RBM39: variants seen among roughly 807,000 people sequenced by gnomAD.
RBM39 encodes RNA binding motif protein 39.
Under a neutral mutation model 79.6 loss-of-function variants are expected in RBM39, and 12 were observed. That is an observed-to-expected ratio of 0.15 (90% CI 0.10 to 0.24). RBM39 has a LOEUF of 0.24. Among genes scored for constraint, RBM39 ranks in the 10% least tolerant of loss-of-function variants. The pLI is 1.00. For synonymous variants in RBM39, 185 were observed against 208.4 expected (o/e 0.89, Z 0.97); for missense variants, 243 against 653.4 (o/e 0.37, Z 6.85).
Position 35,716,689 on chromosome 20 carries a change from T to C in RBM39, c.891+51A>G, listed in dbSNP as rs371493032. The C allele has an allele frequency of 2.7e-4, 305 of 1,110,292 alleles. No individual in the cohort carries two copies. The African/African-American group carries it at 4.1e-3, about 15-fold the overall frequency. The allele number at this position is 1,110,292 out of a possible 1,614,324, so 68.8% of individuals were successfully genotyped here. On this transcript the variant is annotated intron_variant, in intron 10 of 16. Coordinates refer to ENST00000253363, the MANE Select transcript of RBM39 (RefSeq NM_184234.3). ...ACTAATCTGAGCAACACAGCAAATGTAGTTTAAAAAAAAAAAAACCCTAAG... is the reference window on the plus strand; with the variant it reads ...ACTAATCTGAGCAACACAGCAAATGCAGTTTAAAAAAAAAAAAACCCTAAG...
rs142053132 is a variant in RBM39, at chr20:35,739,241, A to T, written c.52-224T>A. 1.1e-3 allele frequency: 598 copies of T among 566,358 alleles called. 1 individual carries two copies. Among genetic ancestry groups the T allele is most frequent in the African/African-American group, 0.01 (538 of 52,628 alleles). The allele number at this position is 566,358 out of a possible 1,614,324, so 35.1% of individuals were successfully genotyped here. ...AGATACAAAAATAAAAAAATTTTCC[A>T]TATTAACATGTTAAATTTTACTTTC... On this transcript the variant is annotated intron_variant, in intron 2 of 16. Transcript: ENST00000253363.
intron 12 of RBM39, among the ~76,000 whole-genome samples, chr20:35,710,912 C>A (rs2036315073): frequency 6.6e-6 from 1 of 152,116 alleles, no homozygotes; most frequent in African/African-American, 2.4e-5. Context: ...GGTAGGGACA[C>A]TATTGTCAGG....
chr20:35,727,686 G>A (rs981386232), intron 6 of RBM39, among the ~76,000 whole-genome samples: 1 of 141,938 alleles, frequency 7.0e-6, no homozygotes, highest in African/African-American at 2.7e-5. Context: ...TTTCGCTCTT[G>A]TTGCCCAGGC....
intron 6 of RBM39, among the ~76,000 whole-genome samples, chr20:35,727,313 G>A (rs1183684314): frequency 1.3e-5 from 2 of 150,798 alleles, no homozygotes; most frequent in East Asian, 3.9e-4. Context: ...TTGCGTCACT[G>A]CACTATAGCC....
chr20:35,732,170 C>T (rs2039439089), intron 3 of RBM39, 35 bp from the exon 4 acceptor site: 1 of 1,593,502 alleles, frequency 6.3e-7, no homozygotes. Flanking sequence ...ATCATGCTGG[C>T]TTAAGAACCC....
Position 35,702,517 on chromosome 20 carries a change from C to CG in RBM39, c.*1963_*1964insC, listed in dbSNP as rs1342846354. The CG allele has an allele frequency of 1.3e-5, 2 of 152,178 alleles. No individual in the cohort carries two copies. Among genetic ancestry groups the CG allele is most frequent in the Non-Finnish European group, 2.9e-5 (2 of 68,038 alleles). The allele number at this position is 152,178 out of a possible 1,614,324, so 9.4% of individuals were successfully genotyped here. On this transcript the variant is annotated 3_prime_UTR_variant, in exon 17 of 17. Coordinates refer to ENST00000253363, the MANE Select transcript of RBM39 (RefSeq NM_184234.3). ...TCCAGTTCCCTAGAAAGCAATGACA[C>CG]AACAAATTTGTTAGGAAGACTTGGT...
chr20:35,726,986 G>A (rs778552352), intron 6 of RBM39, among the ~76,000 whole-genome samples: 36 of 147,278 alleles, frequency 2.4e-4, no homozygotes, highest in Non-Finnish European at 4.8e-4. Context: ...CACTACATCC[G>A]GCTAATTTTT....
chr20:35,725,716 G>T (rs969285606), intron 6 of RBM39, among the ~76,000 whole-genome samples: 8 of 146,020 alleles, frequency 5.5e-5, no homozygotes, highest in Admixed American at 2.1e-4. Flanking sequence ...GGCTTGGAGT[G>T]CAACGGCGCC....
chr20:35,727,401 CAA>C (rs145051301), intron 6 of RBM39, among the ~76,000 whole-genome samples: 14 of 108,806 alleles, frequency 1.3e-4, no homozygotes, highest in Admixed American at 2.9e-4. Flanking sequence ...CCGGGGGTCT[CAA>C]AAAAAAAAAA....
At chr20:35,738,877 T>A in intron 3 of RBM39, 91 bp downstream of exon 3, 1 of 1,149,048 alleles carries the variant, frequency 8.7e-7, no homozygotes, top group Non-Finnish European at 1.3e-6. Context: ...CAGAAGAGAA[T>A]TTTGTATACT....
At chr20:35,727,650 ATTTTTTTT>A (rs149113488) in intron 6 of RBM39, among the ~76,000 whole-genome samples, 1 of 130,050 alleles carries the variant, frequency 7.7e-6, no homozygotes, top group Non-Finnish European at 1.7e-5. Flanking sequence ...TAATTTTTGT[ATTTTTTTT>A]TTTTTTTTGA....
chr20:35,736,087 C>A (rs936613943), intron 3 of RBM39, among the ~76,000 whole-genome samples: 1 of 147,148 alleles, frequency 6.8e-6, no homozygotes, highest in East Asian at 2.0e-4. Context: ...GCACTTGAAG[C>A]GAAATCTTTA....
chr20:35,730,194 T>C (rs1366496141), intron 4 of RBM39, among the ~76,000 whole-genome samples: 3 of 152,212 alleles, frequency 2.0e-5, no homozygotes, highest in Non-Finnish European at 4.4e-5. Flanking sequence ...TAGAAAAATT[T>C]TGTGAGGACT....
chr20:35,718,189 T>G (rs1210995353), intron 9 of RBM39, among the ~76,000 whole-genome samples: 1 of 152,032 alleles, frequency 6.6e-6, no homozygotes, highest in Non-Finnish European at 1.5e-5. Context: ...TTAAGTATAT[T>G]TTACCAAAAT....
At chr20:35,708,394 A>G (rs2036003832) in intron 13 of RBM39, among the ~76,000 whole-genome samples, 1 of 152,102 alleles carries the variant, frequency 6.6e-6, no homozygotes, top group Admixed American at 6.5e-5. Context: ...TATACTATGA[A>G]TACTAAAAAA....
intron 9 of RBM39, among the ~76,000 whole-genome samples, chr20:35,719,458 T>G (rs1459156082): frequency 6.6e-6 from 1 of 152,110 alleles, no homozygotes; most frequent in Non-Finnish European, 1.5e-5. Context: ...TGACAACACT[T>G]TGGGACACCG....
At chr20:35,724,767 C>T in intron 7 of RBM39, 45 bp from the exon 8 acceptor site, 12 of 1,586,430 alleles carry the variant, frequency 7.6e-6, no homozygotes, top group Non-Finnish European at 1.0e-5. Flanking sequence ...CATTGTAACA[C>T]ATGTAGAATT....
intron 14 of RBM39, among the ~76,000 whole-genome samples, chr20:35,705,895 A>AAAGTG (rs1283644765): frequency 1.3e-5 from 2 of 152,170 alleles, no homozygotes; most frequent in Non-Finnish European, 2.9e-5. Flanking sequence ...GCATAACTTG[A>AAAGTG]AAGTGACTTT....
intron 10 of RBM39, among the ~76,000 whole-genome samples, chr20:35,714,985 T>C (rs115693657): frequency 0.011 from 1,749 of 152,292 alleles, 26 homozygotes; most frequent in African/African-American, 0.04. Context: ...CTATGTTTCA[T>C]AAATTTTCTC....
Sources: gnomAD v4.1 joint callset for allele counts (sites outside exome capture counted in the v4.1 genomes callset) on GRCh38, gnomAD v4.1.1 for gene constraint, MANE v1.5 for transcripts, NCBI Gene and HGNC (gene_info 2026-07-23, HGNC 2026-07-21) for gene names.